Variants in KCNMA1 observed in about 807,000 individuals in gnomAD.
KCNMA1 encodes Calcium-activated potassium channel subunit alpha-1.
A neutral mutation model predicts 140.0 loss-of-function variants in KCNMA1; 29 were observed. The observed-to-expected ratio is 0.21, with a 90% confidence interval of 0.15 to 0.28. KCNMA1 has a LOEUF of 0.28. KCNMA1 is among the 10% of genes least tolerant of loss of function. The probability of loss-of-function intolerance (pLI) is 1.00; values close to 1 mark genes in which losing one functional copy is unlikely to be tolerated. For synonymous variants in KCNMA1, 612 were observed against 611.9 expected, an observed-to-expected ratio of 1.00 and a Z score of 0.00; for missense variants, 880 against 1,602.2, an observed-to-expected ratio of 0.55 and a Z score of 7.70.
intron 20 of KCNMA1, among the ~76,000 whole-genome samples, chr10:76,958,499 A>C (rs1424532831): frequency 5.3e-5 from 8 of 152,194 alleles, no homozygotes; most frequent in African/African-American, 1.9e-4. Context: ...GTTCTCCCCC[A>C]AATTTTTATG....
intron 1 of KCNMA1, among the ~76,000 whole-genome samples, chr10:77,490,546 C>T (rs898091327): frequency 8.5e-5 from 13 of 152,322 alleles, no homozygotes; most frequent in South Asian, 2.1e-4. Context: ...CTACTACTAA[C>T]GATAGAGTGT....
Position 76,886,868 on chromosome 10 carries a change from C to A in KCNMA1, c.*398G>T. ...CAACAACAACAACAAAATCAAAACC[C>A]AAAGCACCCTGATAATCCTGATAAA... On this transcript the variant is annotated 3_prime_UTR_variant, in exon 28 of 28. Transcript: ENST00000286628. 1 of 1,085,488 alleles carries A rather than the reference C, an allele frequency of 9.2e-7. No homozygotes were observed. The highest frequency in any genetic ancestry group is 1.1e-6 in the Non-Finnish European group (1 of 889,684). The allele number at this position is 1,085,488 out of a possible 1,614,324, so 67.2% of individuals were successfully genotyped here.
At chr10:77,251,339 T>A in intron 2 of KCNMA1, 83 bp from the exon 3 acceptor site, 1 of 1,009,688 alleles carries the variant, frequency 9.9e-7, no homozygotes, top group South Asian at 1.3e-5. Context: ...GAAGCAGCTT[T>A]GAAATACGGT....
At chr10:77,607,080 G>C (rs934844603) in intron 1 of KCNMA1, among the ~76,000 whole-genome samples, 1 of 152,198 alleles carries the variant, frequency 6.6e-6, no homozygotes, top group African/African-American at 2.4e-5. Context: ...CTACTCACAA[G>C]GATTTATCAG....
At chr10:77,603,510 C>T (rs544279192) in intron 1 of KCNMA1, among the ~76,000 whole-genome samples, 63 of 152,292 alleles carry the variant, frequency 4.1e-4, no homozygotes, top group African/African-American at 1.2e-3. Flanking sequence ...GCATTTGTGT[C>T]ATAAGCAGGG....
intron 1 of KCNMA1, among the ~76,000 whole-genome samples, chr10:77,493,086 T>C (rs551473895): frequency 3.9e-5 from 6 of 152,336 alleles, no homozygotes; most frequent in African/African-American, 1.4e-4. Flanking sequence ...ACTGATCATG[T>C]CTTCAGATTT....
At chr10:77,087,115 C>G (rs985778114) in intron 10 of KCNMA1, among the ~76,000 whole-genome samples, 11 of 152,160 alleles carry the variant, frequency 7.2e-5, no homozygotes, top group Non-Finnish European at 1.5e-4. Context: ...GCGTTTGTCC[C>G]TTTTGCTTCT....
At chr10:77,193,607 C>G (rs996163719) in intron 3 of KCNMA1, among the ~76,000 whole-genome samples, 16 of 152,174 alleles carry the variant, frequency 1.1e-4, no homozygotes, top group African/African-American at 3.9e-4. Context: ...AGGGCAGGGT[C>G]AATGAGCCAT....
chr10:77,382,200 T>G (rs1033279026), intron 2 of KCNMA1, among the ~76,000 whole-genome samples: 2 of 152,018 alleles, frequency 1.3e-5, no homozygotes, highest in Non-Finnish European at 2.9e-5. Flanking sequence ...GGAGCTGTGG[T>G]GAGCATGTGA....
chr10:77,449,132 C>G (rs971903426), intron 1 of KCNMA1, among the ~76,000 whole-genome samples: 1 of 151,222 alleles, frequency 6.6e-6, no homozygotes, highest in African/African-American at 2.4e-5. Context: ...AAAATCTGTT[C>G]TTTGCTACAA....
intron 1 of KCNMA1, among the ~76,000 whole-genome samples, chr10:77,616,281 G>T (rs1338870112): frequency 1.3e-5 from 2 of 152,210 alleles, no homozygotes; most frequent in Non-Finnish European, 2.9e-5. Flanking sequence ...CTAGAGTGGA[G>T]ACTTACCAGA....
intron 2 of KCNMA1, among the ~76,000 whole-genome samples, chr10:77,380,684 A>G (rs545119704): frequency 6.6e-6 from 1 of 152,278 alleles, no homozygotes; most frequent in African/African-American, 2.4e-5. Context: ...AGCCCAGCAC[A>G]TAGTAGGAGC....
In KCNMA1 at chr10:76,910,068, G is replaced by A; in HGVS notation, c.3045C>T (p.Asp1015=). 6.2e-7 allele frequency: 1 copy of A among 1,613,998 alleles called. No homozygotes were observed. Among genetic ancestry groups the A allele is most frequent in the Non-Finnish European group, 8.5e-7 (1 of 1,179,950 alleles). ...TATCAGGGTCATCATCATCGTCTTG[G>A]TCCAAAAACTGAACATTAGTATCGT... ...LVNDTNVQFL[D]QDDDDDPDTE... The change falls in exon 25 of 28, where the codon GAC becomes GAT. Residue 1015 remains aspartate (D), a synonymous_variant. Transcript: ENST00000286628.
chr10:77,155,057 G>A (rs2098467113), intron 5 of KCNMA1, among the ~76,000 whole-genome samples: 1 of 152,174 alleles, frequency 6.6e-6, no homozygotes, highest in South Asian at 2.1e-4. Flanking sequence ...GCAGGGAGAA[G>A]AAGCCTGGGG....
At chr10:77,460,636 C>T (rs575771690) in intron 1 of KCNMA1, among the ~76,000 whole-genome samples, 4 of 152,114 alleles carry the variant, frequency 2.6e-5, no homozygotes, top group African/African-American at 9.6e-5. Context: ...AACTGGAGGC[C>T]GTTATCCTAA....
chr10:77,559,112 C>T (rs1044547998), intron 1 of KCNMA1, among the ~76,000 whole-genome samples: 2 of 152,202 alleles, frequency 1.3e-5, no homozygotes, highest in Non-Finnish European at 2.9e-5. Flanking sequence ...AGACATCTCC[C>T]ACCTGTCCAT....
At chr10:77,621,240 T>C (rs1657059158) in intron 1 of KCNMA1, among the ~76,000 whole-genome samples, 2 of 152,218 alleles carry the variant, frequency 1.3e-5, no homozygotes, top group South Asian at 4.1e-4. Flanking sequence ...TTCTTCTGAG[T>C]GTGCAGATTA....
chr10:77,252,891 A>C (rs898436983), intron 2 of KCNMA1, among the ~76,000 whole-genome samples: 31 of 152,002 alleles, frequency 2.0e-4, no homozygotes, highest in Middle Eastern at 3.2e-3. Flanking sequence ...AAAAAAAAAA[A>C]CAACTAAAAC....
intron 6 of KCNMA1, among the ~76,000 whole-genome samples, chr10:77,117,005 CA>C (rs2097489745): frequency 2.0e-5 from 3 of 152,184 alleles, no homozygotes; most frequent in African/African-American, 7.2e-5. Context: ...CTCTTCTTTA[CA>C]AACTTTATCT....
Sources: allele counts gnomAD v4.1 joint callset (sites outside exome capture counted in the v4.1 genomes callset), GRCh38; gene constraint gnomAD v4.1.1; transcripts MANE v1.5; gene names NCBI Gene and HGNC (gene_info 2026-07-23, HGNC 2026-07-21).